Variants in BRCA1 observed in about 807,000 individuals in gnomAD.
The protein encoded by BRCA1 is BRCA1 DNA repair associated, also known as breast cancer type 1 susceptibility protein.
Under a neutral mutation model 173.7 loss-of-function variants are expected in BRCA1, and 140 were observed. The ratio of observed to expected loss-of-function variants is 0.81; its 90% CI spans 0.70 to 0.93. The LOEUF (loss-of-function observed/expected upper bound fraction) is 0.93, where lower values mean the gene tolerates loss of function less well. Ranked by LOEUF, BRCA1 falls within the 40% of genes least tolerant of loss-of-function variation. The pLI, the probability that BRCA1 is intolerant of heterozygous loss-of-function variation, is 0.00. For missense variants in BRCA1, 1,983 were observed against 2,172.5 expected (o/e 0.91, Z 1.73); for synonymous variants, 662 against 756.0 (o/e 0.88, Z 2.04).
At chr17:43,049,978 A>C (rs1341561119) in intron 20 of BRCA1, 1 of 398,244 alleles carries the variant, frequency 2.5e-6, no homozygotes, top group Non-Finnish European at 4.4e-6. Context: ...AAAGTAAAAA[A>C]ACACTGAGAA....
intron 18 of BRCA1, among the ~76,000 whole-genome samples, chr17:43,061,052 G>A (rs757665560): frequency 1.3e-5 from 2 of 152,076 alleles, no homozygotes; most frequent in Non-Finnish European, 2.9e-5. Context: ...CTTGAACCCA[G>A]GAGACAGAGT....
intron 1 of BRCA1, chr17:43,138,404 G>A (rs2056045622): frequency 1.8e-6 from 1 of 551,786 alleles, no homozygotes; most frequent in South Asian, 2.1e-5. Flanking sequence ...GCATGGTTGT[G>A]TGTCACCTGC....
At chr17:43,160,151 C>T (rs2154581712) in intron 1 of BRCA1, 1 of 152,056 alleles carries the variant, frequency 6.6e-6, no homozygotes, top group East Asian at 1.9e-4. Flanking sequence ...ACACCATTCT[C>T]CTGCCTCAGC....
rs398122671 is a variant in BRCA1, at chr17:43,092,380, T to C, written c.3151A>G (p.Thr1051Ala). 1 of 1,613,882 alleles carries C rather than the reference T, an allele frequency of 6.2e-7. No homozygotes were observed. Among genetic ancestry groups the C allele is most frequent in the Non-Finnish European group, 8.5e-7 (1 of 1,179,900 alleles). The change falls in exon 10 of 23, where the codon ACT becomes GCT. Residue 1051 changes from threonine (T) to alanine (A), a missense_variant. Thr to Ala is a moderately conservative substitution (Grantham distance 58). Coordinates refer to ENST00000357654, the MANE Select transcript of BRCA1 (RefSeq NM_007294.4). ...TTAATACTGGAGCCCACTTCATTAG[T>C]ACTGGAACCTACTTCATTAATATTG... ...SSNINEVGSSTNEVGSSINEI... is the reference protein window; with the variant it reads ...SSNINEVGSSANEVGSSINEI...
intron 12 of BRCA1, chr17:43,079,410 G>A (rs560287183): frequency 1.3e-5 from 21 of 1,592,816 alleles, no homozygotes; most frequent in Non-Finnish European, 1.6e-5. Flanking sequence ...CTGTAAGAAA[G>A]GTGAAATTGT....
intron 22 of BRCA1, among the ~76,000 whole-genome samples, chr17:43,046,032 C>A (rs1444403802): frequency 6.6e-6 from 1 of 151,708 alleles, no homozygotes; most frequent in Non-Finnish European, 1.5e-5. Flanking sequence ...AGCAATTCTC[C>A]TGTCTCTGCC....
chr17:43,135,497 C>G (rs1312952689), intron 1 of BRCA1, among the ~76,000 whole-genome samples: 1 of 152,222 alleles, frequency 6.6e-6, no homozygotes, highest in Non-Finnish European at 1.5e-5. Context: ...GCTTATTGAG[C>G]TATCATGTCA....
rs1567759714 is a variant in BRCA1 at position 43,049,726 on chromosome 17, G to C, written c.5333-532C>G. Among the ~76,000 whole-genome samples the C allele has an allele frequency of 2.0e-5, 3 of 152,174 alleles. No homozygotes were observed. The highest frequency in any genetic ancestry group is 6.5e-5 in the Admixed American group (1 of 15,270). On this transcript the variant is annotated intron_variant, in intron 20 of 22. Coordinates refer to ENST00000357654, the MANE Select transcript of BRCA1 (RefSeq NM_007294.4). ...CAGGGAAAGGCTACATGCTGAGCTG[G>C]AATCCATATACTCAGGGGAATAAAA...
chr17:43,124,255 A>T, intron 1 of BRCA1, 140 bp from the exon 2 acceptor site: 1 of 589,226 alleles, frequency 1.7e-6, no homozygotes, highest in Non-Finnish European at 2.9e-6. Flanking sequence ...ACTAATGACA[A>T]CGTCCTTTAT....
Position 43,049,309 on chromosome 17 carries a change from C to G in BRCA1, c.5333-115G>C, listed in dbSNP as rs2051106007. The G allele has an allele frequency of 4.4e-6, 4 of 908,240 alleles. No homozygotes were observed. Among genetic ancestry groups the G allele is most frequent in the African/African-American group, 1.6e-5 (1 of 61,630 alleles). The allele number at this position is 908,240 out of a possible 1,614,324, so 56.3% of individuals were successfully genotyped here. The stretch of plus-strand genomic sequence containing the variant: ...TAGCAAGACCTCTCAATGGGAGAGT[C>G]TGTCTCTCTGCTCCAAAGGACAATG... On this transcript the variant is annotated intron_variant, in intron 20 of 22. Transcript: ENST00000357654.
At chr17:43,088,366 A>C (rs527865313) in intron 11 of BRCA1, among the ~76,000 whole-genome samples, 5 of 150,838 alleles carry the variant, frequency 3.3e-5, no homozygotes, top group Admixed American at 6.6e-5. Context: ...CTATGAATTT[A>C]TCTTTTTTTT....
At chr17:43,052,778 G>GAA (rs2051297741) in intron 19 of BRCA1, among the ~76,000 whole-genome samples, 1 of 100,158 alleles carries the variant, frequency 1.0e-5, no homozygotes, top group Non-Finnish European at 2.0e-5. Flanking sequence ...CAGACGGACA[G>GAA]AAACACACAC....
At chr17:43,090,732 CTG>C (rs1171939512) in intron 11 of BRCA1, among the ~76,000 whole-genome samples, 5 of 151,686 alleles carry the variant, frequency 3.3e-5, no homozygotes, top group Admixed American at 6.6e-5. Context: ...TATGTGTAGG[CTG>C]TGTGTGCGCG....
rs1800751 is a variant in BRCA1, at chr17:43,047,676, G to C, written c.5434C>G (p.Pro1812Ala). 6.2e-7 allele frequency: 1 copy of C among 1,614,156 alleles called. No individual in the cohort carries two copies. Among genetic ancestry groups the C allele is most frequent in the Non-Finnish European group, 8.5e-7 (1 of 1,180,020 alleles). Residue 1812 changes from proline (P) to alanine (A), a missense_variant, in exon 22 of 23, where the codon CCA (proline) becomes GCA (alanine). By Grantham distance (27) the Pro-to-Ala change is conservative. Coordinates refer to ENST00000357654, the MANE Select transcript of BRCA1 (RefSeq NM_007294.4). ...CCATTGTCCTCTGTCCAGGCATCTG[G>C]CTGCACAACCACAATTGGGTGGACA... ...TGVHPIVVVQ[P>A]DAWTEDNGFH...
intron 1 of BRCA1, chr17:43,145,036 ACCT>A (rs2056109882): frequency 5.2e-6 from 4 of 773,158 alleles, no homozygotes; most frequent in South Asian, 1.3e-5. Context: ...TGTCAGCTAA[ACCT>A]CCTGCAAAAG....
At chr17:43,124,871 C>G (rs2055797351) in intron 1 of BRCA1, 3 of 304,128 alleles carry the variant, frequency 9.9e-6, no homozygotes, top group Non-Finnish European at 2.0e-5. Context: ...ATTCTCCTGC[C>G]TCAGCCTCCT....
intron 11 of BRCA1, among the ~76,000 whole-genome samples, chr17:43,086,455 T>C (rs1329590585): frequency 1.3e-5 from 2 of 151,990 alleles, no homozygotes; most frequent in African/African-American, 4.8e-5. Context: ...CTCGGTTCAG[T>C]ACAAAAAGGG....
At chr17:43,111,777 G>A (rs1028935404) in intron 3 of BRCA1, among the ~76,000 whole-genome samples, 3 of 150,840 alleles carry the variant, frequency 2.0e-5, no homozygotes, top group Non-Finnish European at 4.4e-5. Context: ...AGCCGAGACT[G>A]CACCACCGCA....
chr17:43,079,511 T>G, intron 12 of BRCA1: 1 of 1,121,788 alleles, frequency 8.9e-7, no homozygotes, highest in South Asian at 1.2e-5. Context: ...TGACCCAGCA[T>G]GCTGTTGGCA....
Sources: gnomAD v4.1 joint callset for allele counts (sites outside exome capture counted in the v4.1 genomes callset) on GRCh38, gnomAD v4.1.1 for gene constraint, MANE v1.5 for transcripts, NCBI Gene and HGNC (gene_info 2026-07-23, HGNC 2026-07-21) for gene names.